The following BAZ2A variants were observed in gnomAD, a reference collection of about 807,000 sequenced individuals.
BAZ2A encodes bromodomain adjacent to zinc finger domain protein 2A.
In BAZ2A, 34 loss-of-function variants were observed where a neutral mutation model predicts 199.9. The ratio of observed to expected loss-of-function variants is 0.17; its 90% CI spans 0.13 to 0.23. BAZ2A has a LOEUF of 0.23. BAZ2A is among the 10% of genes least tolerant of loss of function. The pLI, the probability that BAZ2A is intolerant of heterozygous loss-of-function variation, is 1.00. For missense variants in BAZ2A, 2,002 were observed against 2,391.1 expected, an observed-to-expected ratio of 0.84 and a Z score of 3.39; for synonymous variants, 857 against 883.9, an observed-to-expected ratio of 0.97 and a Z score of 0.54.
chr12:56,597,355 G>C lies in BAZ2A; in HGVS notation c.*1263C>G, dbSNP rs1286613557. 2 of 152,346 alleles carry C rather than the reference G, an allele frequency of 1.3e-5. No individual in the cohort carries two copies. Among genetic ancestry groups the C allele is most frequent in the Non-Finnish European group, 2.9e-5 (2 of 68,012 alleles). The allele number at this position is 152,346 out of a possible 1,614,324, so 9.4% of individuals were successfully genotyped here. On this transcript the variant is annotated 3_prime_UTR_variant, in exon 29 of 29. Transcript: ENST00000549884. The stretch of plus-strand genomic sequence containing the variant: ...GATTCAAAGCTACCGAGAAGAGAGG[G>C]AGTTCCTGCTGAAAGATTGCACAGT...
chr12:56,625,853 G>A (rs1271318386), intron 1 of BAZ2A, among the ~76,000 whole-genome samples: 2 of 139,694 alleles, frequency 1.4e-5, no homozygotes, highest in East Asian at 2.0e-4. Flanking sequence ...TCCAGCCTGG[G>A]CGACACAGCG....
intron 3 of BAZ2A, 199 bp downstream of exon 3, chr12:56,614,815 T>C: frequency 1.6e-6 from 1 of 635,768 alleles, no homozygotes; most frequent in South Asian, 1.9e-5. Context: ...CTTGAAATAA[T>C]TTGCACTCCC....
chr12:56,598,805 CTG>C (rs1427227513), intron 28 of BAZ2A, 22 bp from the exon 29 acceptor site: 4 of 1,610,384 alleles, frequency 2.5e-6, no homozygotes, highest in Admixed American at 1.7e-5. Flanking sequence ...AGGGGCAAAA[CTG>C]TGAGCTGGGT....
At chr12:56,618,924 T>C (rs1207339529) in intron 1 of BAZ2A, among the ~76,000 whole-genome samples, 2 of 151,782 alleles carry the variant, frequency 1.3e-5, no homozygotes, top group Non-Finnish European at 2.9e-5. Flanking sequence ...AGGCCTGGCA[T>C]AGTGGTTCAC....
At position 56,613,196 on chromosome 12, in the gene BAZ2A, C is replaced by T. The variant is rs772485173; in HGVS notation, c.954G>A (p.Thr318=). ...GCTTGTCCTCTGCACCCATCAGCTC[C>T]GTGTCATCAATACCATATAGTCCTC... ...VSGGLYGIDD[T]ELMGAEDKLP... The change falls in exon 5 of 29, where the codon ACG becomes ACA. Residue 318 remains threonine (T), a synonymous_variant. Coordinates refer to ENST00000549884, the MANE Select transcript of BAZ2A (RefSeq NM_001300905.2). 1.2e-5 allele frequency: 19 copies of T among 1,613,870 alleles called. No homozygotes were observed. Among genetic ancestry groups the T allele is most frequent in the Non-Finnish European group, 1.4e-5 (16 of 1,179,910 alleles).
chr12:56,613,218 C>A lies in BAZ2A; in HGVS notation c.932G>T (p.Gly311Val). Residue 311 changes from glycine to valine, a missense_variant, in exon 5 of 29, where the codon GGA (glycine) becomes GTA (valine). Transcript: ENST00000549884. Reference protein sequence around the residue: ...NSLAPEPVSGGLYGIDDTELM... With the variant: ...NSLAPEPVSGVLYGIDDTELM... The stretch of plus-strand genomic sequence containing the variant: ...CTCCGTGTCATCAATACCATATAGT[C>A]CTCCACTCACTGGCTCTGTTTACAA... 1 of 1,614,000 alleles carries A rather than the reference C, an allele frequency of 6.2e-7. No homozygotes were observed. The highest frequency in any genetic ancestry group is 8.5e-7 in the Non-Finnish European group (1 of 1,179,888).
At position 56,599,688 on chromosome 12, in the gene BAZ2A, A is replaced by T. The variant is rs114910664; in HGVS notation, c.5172+14T>A. ...TTCTGTTTGAGTGTGGGAAAGAAAGAGCAGAAGCCTTACCTGAGCCAAACA... is the reference window on the plus strand; with the variant it reads ...TTCTGTTTGAGTGTGGGAAAGAAAGTGCAGAAGCCTTACCTGAGCCAAACA... On this transcript the variant is annotated intron_variant, in intron 26 of 28. Transcript: ENST00000549884. The T allele has an allele frequency of 3.7e-6, 6 of 1,612,792 alleles. No individual in the cohort carries two copies. In the South Asian group the frequency reaches 4.4e-5, roughly 12 times the overall value.
At chr12:56,635,202 G>GA (rs58014783), upstream of BAZ2A, among the ~76,000 whole-genome samples, 6,052 of 152,204 alleles carry the variant, frequency 0.04, 394 homozygotes, top group African/African-American at 0.14. This position sits in a 1 kb window ranked among gnomAD's most constrained non-coding sequence, Gnocchi z 4.1. Context: ...GGGAGGAAGA[G>GA]AACGGATCCC....
chr12:56,604,202 C>CT lies in BAZ2A; in HGVS notation c.3038+14dup. 3.8e-6 allele frequency: 6 copies of CT among 1,596,972 alleles called. No homozygotes were observed. Among genetic ancestry groups the CT allele is most frequent in the Non-Finnish European group, 5.1e-6 (6 of 1,170,222 alleles). On this transcript the variant is annotated intron_variant, in intron 16 of 28. Coordinates refer to ENST00000549884, the MANE Select transcript of BAZ2A (RefSeq NM_001300905.2). ...TCTCTCCTCTCTGAGGCTCTACTCT[C>CT]TGTCTGGTCCCTACCTCCGGAGCCG...
chr12:56,598,779 T>C lies in BAZ2A; in HGVS notation c.5551A>G (p.Thr1851Ala). ...TCAGCCGCAAACTCCTCTGAGCTGGTGTACCTGGACAGGGCAGGGGCAAAA... is the reference window on the plus strand; with the variant it reads ...TCAGCCGCAAACTCCTCTGAGCTGGCGTACCTGGACAGGGCAGGGGCAAAA... Reference protein sequence around the residue: ...MRERLLRGGYTSSEEFAADAL... With the variant: ...MRERLLRGGYASSEEFAADAL... The change falls in exon 29 of 29, where the codon ACC (threonine) becomes GCC (alanine). Residue 1851 changes from threonine to alanine, a missense_variant. Thr to Ala is a moderately conservative substitution (Grantham distance 58). This residue lies in a region of BAZ2A where 76 missense variants were observed against 139.3 expected (regional missense o/e 0.55). Transcript: ENST00000549884. 6.2e-7 allele frequency: 1 copy of C among 1,611,998 alleles called. No homozygotes were observed. Among genetic ancestry groups the C allele is most frequent in the Middle Eastern group, 1.6e-4 (1 of 6,062 alleles).
At chr12:56,628,176 T>TCAAAAAAAAAAAAAAAAAAAAAAAAAAAA (rs1951169745) in intron 1 of BAZ2A, among the ~76,000 whole-genome samples, 1 of 6,290 alleles carries the variant, frequency 1.6e-4, no homozygotes, top group Non-Finnish European at 2.9e-4. Flanking sequence ...AAACTCCGTC[T>TCAAAAAAAAAAAAAAAAAAAAAAAAAAAA]CAAAAAAAAA....
chr12:56,631,074 G>A (rs1345208087), upstream of BAZ2A, among the ~76,000 whole-genome samples: 1 of 152,154 alleles, frequency 6.6e-6, no homozygotes, highest in African/African-American at 2.4e-5. Context: ...ATCTAGCAGA[G>A]GACTAGAGTT....
At position 56,617,424 on chromosome 12, in the gene BAZ2A, G is replaced by T; in HGVS notation, c.107C>A (p.Ser36Tyr). 10 of 1,603,866 alleles carry T rather than the reference G, an allele frequency of 6.2e-6. No homozygotes were observed. The highest frequency in any genetic ancestry group is 8.5e-6 in the Non-Finnish European group (10 of 1,175,338). Residue 36 changes from serine (S) to tyrosine (Y), a missense_variant, in exon 2 of 29, where the codon TCT becomes TAT. Transcript: ENST00000549884. ...SSGEGLYTNG[S>Y]PMNFPQQGKS... is the part of the protein sequence containing the mutation. ...CCCTTGCTGGGGGAAGTTCATGGGA[G>T]ACCCGTTAGTGTAGAGGCCCTCCCC...
intron 13 of BAZ2A, 63 bp from the exon 14 acceptor site, chr12:56,605,390 T>C: frequency 6.9e-7 from 1 of 1,459,340 alleles, no homozygotes; most frequent in Middle Eastern, 1.8e-4. Context: ...AATTTGCATG[T>C]CTACAAGAGG....
At chr12:56,603,034 A>G (rs1248713750) in intron 18 of BAZ2A, among the ~76,000 whole-genome samples, 177 bp from the exon 19 acceptor site, 2 of 152,246 alleles carry the variant, frequency 1.3e-5, no homozygotes, top group African/African-American at 4.8e-5. Context: ...CTGTAATCCC[A>G]GCACTTTGGG....
chr12:56,611,440 A>T (rs980952459), intron 7 of BAZ2A, 133 bp downstream of exon 7: 1 of 859,874 alleles, frequency 1.2e-6, no homozygotes, highest in Non-Finnish European at 1.9e-6. Flanking sequence ...ATCACTGCAG[A>T]TAACTGTCCT....
In BAZ2A at chr12:56,606,302, T is replaced by C. The variant is rs1322669135; in HGVS notation, c.2204A>G (p.Lys735Arg). The C allele has an allele frequency of 6.2e-7, 1 of 1,614,024 alleles. No individual in the cohort carries two copies. Among genetic ancestry groups the C allele is most frequent in the African/African-American group, 1.3e-5 (1 of 75,060 alleles). Residue 735 changes from lysine to arginine, a missense_variant, in exon 12 of 29, where the codon AAG becomes AGG. By Grantham distance (26) the Lys-to-Arg change is conservative. Coordinates refer to ENST00000549884, the MANE Select transcript of BAZ2A (RefSeq NM_001300905.2). ...QTTIQGQARN[K>R]RKQETKSLKQ... The stretch of plus-strand genomic sequence containing the variant: ...TAAGCTCTTGGTCTCTTGTTTCCGC[T>C]TATTTCTGGCCTGTAAACCATAAGG...
Position 56,595,767 on chromosome 12 carries a change from T to C in BAZ2A, c.*2851A>G, listed in dbSNP as rs1885725648. On this transcript the variant is annotated 3_prime_UTR_variant, in exon 29 of 29. Transcript: ENST00000549884. The stretch of plus-strand genomic sequence containing the variant: ...TTGCTCCAGCAACTCAGCCAGACAT[T>C]TAGGCAGGAGCACTAATGACCCTTT... 6.6e-6 allele frequency: 1 copy of C among 152,614 alleles called. No homozygotes were observed. The highest frequency in any genetic ancestry group is 2.4e-5 in the African/African-American group (1 of 41,422). 9.5% of individuals were successfully genotyped at this position (152,614 alleles called of 1,614,324 possible).
chr12:56,600,142 A>G lies in BAZ2A; in HGVS notation c.4893-46T>C, dbSNP rs762247582. 5.0e-6 allele frequency: 8 copies of G among 1,612,378 alleles called. No individual in the cohort carries two copies. The East Asian group carries it at 8.9e-5, about 18-fold the overall frequency. ...TCTTTGGAGAAGGAGCGGATCCACTAAAGAGGGAACTTATCCCTTTCTCTC... is the reference window on the plus strand; with the variant it reads ...TCTTTGGAGAAGGAGCGGATCCACTGAAGAGGGAACTTATCCCTTTCTCTC... On this transcript the variant is annotated intron_variant, in intron 24 of 28. Coordinates refer to ENST00000549884, the MANE Select transcript of BAZ2A (RefSeq NM_001300905.2).
Sources: gnomAD v4.1 joint callset for allele counts (sites outside exome capture counted in the v4.1 genomes callset) on GRCh38, gnomAD v4.1.1 for gene constraint, gnomAD v4.1.1 regional missense constraint, Gnocchi (gnomAD v3.1) non-coding constraint, MANE v1.5 for transcripts, NCBI Gene and HGNC (gene_info 2026-07-23, HGNC 2026-07-21) for gene names.